MARCHF6: variants seen among roughly 807,000 people sequenced by gnomAD.
MARCHF6 encodes membrane associated ring-CH-type finger 6.
MARCHF6 carries 31 observed loss-of-function variants against 133.7 expected under a neutral mutation model. The observed-to-expected ratio is 0.23, with a 90% confidence interval of 0.17 to 0.31. The LOEUF is 0.31. MARCHF6 is among the 10% of genes least tolerant of loss of function. The pLI is 1.00. For synonymous variants in MARCHF6, 395 were observed against 402.5 expected, an observed-to-expected ratio of 0.98 and a Z score of 0.22; for missense variants, 723 against 1,121.6, an observed-to-expected ratio of 0.64 and a Z score of 5.08.
intron 22 of MARCHF6, among the ~76,000 whole-genome samples, chr5:10,420,236 A>T (rs1739759716): frequency 6.6e-6 from 1 of 152,206 alleles, no homozygotes; most frequent in African/African-American, 2.4e-5. Flanking sequence ...CTACAACATC[A>T]CTTTTCAGTA....
rs532201547 is a variant in MARCHF6 at position 10,367,585 on chromosome 5, A to AC, written c.20-10213_20-10212insC. Among the ~76,000 whole-genome samples the AC allele has an allele frequency of 9.2e-5, 14 of 152,312 alleles. No individual in the cohort carries two copies. The South Asian group carries it at 1.2e-3, about 14-fold the overall frequency. On this transcript the variant is annotated intron_variant, in intron 1 of 25. Transcript: ENST00000274140. ...AGTTATAACATGTACCCCAAAACTT[A>AC]GAGTTTTATTTTTTTCCTCATACTA...
chr5:10,410,882 A>T (rs1739190373), intron 18 of MARCHF6, among the ~76,000 whole-genome samples: 1 of 152,206 alleles, frequency 6.6e-6, no homozygotes, highest in Non-Finnish European at 1.5e-5. Context: ...ACAAATTTAT[A>T]GCTTGTAGCT....
chr5:10,415,725 C>G, intron 21 of MARCHF6, 56 bp downstream of exon 21: 1 of 1,438,418 alleles, frequency 7.0e-7, no homozygotes, highest in Non-Finnish European at 9.3e-7. Flanking sequence ...GAATATTTTT[C>G]CAGTCATCTT....
intron 1 of MARCHF6, among the ~76,000 whole-genome samples, chr5:10,374,280 G>A (rs942580636): frequency 2.0e-5 from 3 of 152,246 alleles, no homozygotes; most frequent in South Asian, 2.1e-4. Context: ...TGGCAGCCAC[G>A]GTAATCCCAC....
chr5:10,380,550 A>G (rs139920393), intron 3 of MARCHF6, among the ~76,000 whole-genome samples: 10 of 152,224 alleles, frequency 6.6e-5, no homozygotes, highest in African/African-American at 9.6e-5. Flanking sequence ...AAAAATCTCT[A>G]TTATTCCTGG....
At chr5:10,392,541 G>A (rs1037903006) in intron 7 of MARCHF6, among the ~76,000 whole-genome samples, 2 of 152,026 alleles carry the variant, frequency 1.3e-5, no homozygotes, top group Admixed American at 6.5e-5. Context: ...ATCACCTGAG[G>A]TCAGGAGTTT....
chr5:10,399,845 C>T lies in MARCHF6; in HGVS notation c.914-939C>T, dbSNP rs188167854. Among the ~76,000 whole-genome samples, 86 of 152,264 alleles carry T rather than the reference C, an allele frequency of 5.6e-4. 1 individual carries two copies. Among genetic ancestry groups the T allele is most frequent in the African/African-American group, 2.0e-3 (83 of 41,554 alleles). ...GCTTCCCCCAACTCACCCTATTTGG[C>T]CATTGATTTGTTGCTGGGATTAGGT... On this transcript the variant is annotated intron_variant, in intron 10 of 25. Coordinates refer to ENST00000274140, the MANE Select transcript of MARCHF6 (RefSeq NM_005885.4).
intron 17 of MARCHF6, among the ~76,000 whole-genome samples, chr5:10,408,693 C>A (rs1739049597): frequency 6.6e-6 from 1 of 152,118 alleles, no homozygotes; most frequent in Non-Finnish European, 1.5e-5. Context: ...CGCAAGCCAC[C>A]ACACCTGCCT....
intron 25 of MARCHF6, among the ~76,000 whole-genome samples, chr5:10,431,541 CTTA>C (rs1740361005): frequency 6.6e-6 from 1 of 151,992 alleles, no homozygotes; most frequent in Non-Finnish European, 1.5e-5. Context: ...GAACTGTAGA[CTTA>C]AGTGAGGGCA....
intron 23 of MARCHF6, 139 bp from the exon 24 acceptor site, chr5:10,426,251 A>G: frequency 1.2e-6 from 1 of 865,152 alleles, no homozygotes; most frequent in Non-Finnish European, 1.8e-6. Context: ...TTGATATACC[A>G]GAATTTGCCT....
chr5:10,390,008 G>A (rs762343134), intron 5 of MARCHF6, among the ~76,000 whole-genome samples: 6 of 152,018 alleles, frequency 3.9e-5, no homozygotes, highest in Admixed American at 1.3e-4. Flanking sequence ...CTTTTTTTGC[G>A]TGCTGCCTTT....
At chr5:10,386,679 A>G (rs1737500955) in intron 4 of MARCHF6, among the ~76,000 whole-genome samples, 1 of 152,208 alleles carries the variant, frequency 6.6e-6, no homozygotes, top group South Asian at 2.1e-4. Flanking sequence ...AAAATTCTTT[A>G]TATTATAATT....
intron 23 of MARCHF6, among the ~76,000 whole-genome samples, chr5:10,425,526 G>A (rs981791970): frequency 1.3e-5 from 2 of 152,216 alleles, no homozygotes; most frequent in African/African-American, 4.8e-5. Flanking sequence ...AGAAACACTG[G>A]GATGCCTTGC....
chr5:10,410,009 G>T, intron 17 of MARCHF6, 130 bp from the exon 18 acceptor site: 1 of 971,910 alleles, frequency 1.0e-6, no homozygotes, highest in Non-Finnish European at 1.5e-6. Context: ...TCACTGAGTT[G>T]GAGAGAGAAT....
intron 22 of MARCHF6, among the ~76,000 whole-genome samples, chr5:10,418,234 G>C (rs1739627597): frequency 6.6e-6 from 1 of 152,020 alleles, no homozygotes; most frequent in South Asian, 2.1e-4. Flanking sequence ...CAAAAAATTA[G>C]CCAAGCGTGG....
chr5:10,359,536 CCTT>C (rs948502231), intron 1 of MARCHF6, among the ~76,000 whole-genome samples: 6 of 151,784 alleles, frequency 4.0e-5, no homozygotes, highest in Admixed American at 3.3e-4. Flanking sequence ...TTTTTTTGCT[CCTT>C]CTAAGCTACA....
chr5:10,374,419 T>G (rs1736649839), intron 1 of MARCHF6, among the ~76,000 whole-genome samples: 1 of 152,192 alleles, frequency 6.6e-6, no homozygotes, highest in African/African-American at 2.4e-5. Context: ...TCTTCTTCCC[T>G]GAGTTTCCCT....
At chr5:10,354,672 G>A (rs1045506810) in intron 1 of MARCHF6, 2 of 152,146 alleles carry the variant, frequency 1.3e-5, no homozygotes, top group African/African-American at 2.4e-5. Context: ...CCCACTGAAG[G>A]TAGTAGATTA....
intron 19 of MARCHF6, among the ~76,000 whole-genome samples, chr5:10,412,397 C>G (rs1010477361): frequency 1.6e-4 from 24 of 152,142 alleles, no homozygotes; most frequent in African/African-American, 5.3e-4. Flanking sequence ...AATCAAGAAC[C>G]ACTTGTTCTT....
Sources: gnomAD v4.1 joint callset for allele counts (sites outside exome capture counted in the v4.1 genomes callset) on GRCh38, gnomAD v4.1.1 for gene constraint, MANE v1.5 for transcripts, NCBI Gene and HGNC (gene_info 2026-07-23, HGNC 2026-07-21) for gene names.